The following OSBP2 variants were observed in gnomAD, a reference collection of about 807,000 sequenced individuals.
OSBP2 encodes oxysterol-binding protein 2.
OSBP2 carries 66 observed loss-of-function variants against 96.0 expected under a neutral mutation model. The ratio of observed to expected loss-of-function variants is 0.69; its 90% CI spans 0.56 to 0.84. OSBP2 has a LOEUF of 0.84. Ranked by LOEUF, OSBP2 falls within the 40% of genes least tolerant of loss-of-function variation. The pLI is 0.00. For synonymous variants in OSBP2, 525 were observed against 520.9 expected, an observed-to-expected ratio of 1.01 and a Z score of -0.11; for missense variants, 1,038 against 1,222.7, an observed-to-expected ratio of 0.85 and a Z score of 2.25.
At chr22:30,822,597 G>T (rs1408570727) in intron 2 of OSBP2, 116 of 1,523,652 alleles carry the variant, frequency 7.6e-5, no homozygotes, top group Non-Finnish European at 1.0e-4. Flanking sequence ...GCCATGTAGC[G>T]CCCCGCCGAT....
intron 2 of OSBP2, among the ~76,000 whole-genome samples, chr22:30,836,315 G>A (rs757527579): frequency 5.3e-5 from 8 of 152,140 alleles, no homozygotes; most frequent in Non-Finnish European, 8.8e-5. Context: ...GGCTAGAGAG[G>A]TTATGTCCCA....
In OSBP2 at chr22:30,881,617, C is replaced by T; in HGVS notation, c.1108-5809C>T. On this transcript the variant is annotated intron_variant, in intron 3 of 13. Coordinates refer to ENST00000332585, the MANE Select transcript of OSBP2 (RefSeq NM_030758.4). This position sits in a 1 kb window ranked among gnomAD's most constrained non-coding sequence, Gnocchi z 4.5. Reference sequence around the variant, plus strand: ...TGGGCCCCTGGGAACCTCCCCCTGCCAGTCCCTCTGCCGGGCCCCAAGCCT... The same window carrying T: ...TGGGCCCCTGGGAACCTCCCCCTGCTAGTCCCTCTGCCGGGCCCCAAGCCT... 7.8e-7 allele frequency: 1 copy of T among 1,287,252 alleles called. No individual in the cohort carries two copies. The allele number at this position is 1,287,252 out of a possible 1,614,324, so 79.7% of individuals were successfully genotyped here.
chr22:30,718,374 G>A (rs2089496074), intron 1 of OSBP2, among the ~76,000 whole-genome samples: 1 of 152,196 alleles, frequency 6.6e-6, no homozygotes, highest in Non-Finnish European at 1.5e-5. Context: ...TATCTATAGA[G>A]TGAGAGGACT....
chr22:30,847,993 C>T (rs1208898069), intron 2 of OSBP2, among the ~76,000 whole-genome samples: 1 of 152,014 alleles, frequency 6.6e-6, no homozygotes, highest in African/African-American at 2.4e-5. Context: ...ACTATAGATA[C>T]CCTATGAAAA....
At chr22:30,695,794 G>T (rs1260135240) in intron 1 of OSBP2, among the ~76,000 whole-genome samples, 2 of 152,206 alleles carry the variant, frequency 1.3e-5, no homozygotes, top group Non-Finnish European at 2.9e-5. Context: ...TTGGGCAAGT[G>T]GGGAGGTGGA....
Position 30,727,848 on chromosome 22 carries a change from T to C in OSBP2, c.645-13313T>C, listed in dbSNP as rs943429038. Among the ~76,000 whole-genome samples, 21 of 152,154 alleles carry C rather than the reference T, an allele frequency of 1.4e-4. 1 individual carries two copies. Among genetic ancestry groups the C allele is most frequent in the South Asian group, 6.2e-4 (3 of 4,826 alleles). ...TGGGCCGGGCGCAGTGTCTCACACC[T>C]GTAATCCCACCACTTTGGGAGGCTG... On this transcript the variant is annotated intron_variant, in intron 1 of 13. Transcript: ENST00000332585.
chr22:30,778,303 G>GCGCA (rs1555912357), intron 2 of OSBP2, among the ~76,000 whole-genome samples: 65 of 146,630 alleles, frequency 4.4e-4, no homozygotes, highest in African/African-American at 1.6e-3. Context: ...GTGTGCATGT[G>GCGCA]CACACACACA....
chr22:30,694,773 G>C (rs1483726360), upstream of OSBP2: 2 of 586,568 alleles, frequency 3.4e-6, no homozygotes, highest in South Asian at 7.4e-5. Flanking sequence ...TGACGGGCAC[G>C]GAGCGCACGG....
chr22:30,772,220 T>G (rs977778742), intron 2 of OSBP2, among the ~76,000 whole-genome samples: 5 of 152,182 alleles, frequency 3.3e-5, no homozygotes, highest in Non-Finnish European at 7.4e-5. Flanking sequence ...CTGGTTTTAG[T>G]GACTGAGTGG....
chr22:30,762,895 G>A (rs753618908), intron 2 of OSBP2, among the ~76,000 whole-genome samples: 18 of 152,112 alleles, frequency 1.2e-4, no homozygotes, highest in Non-Finnish European at 2.4e-4. Context: ...CAGAGTCCCC[G>A]CTTGTCAGTC....
At position 30,776,289 on chromosome 22, in the gene OSBP2, C is replaced by T. The variant is rs191442583; in HGVS notation, c.853+34920C>T. Reference sequence around the variant, plus strand: ...CACAGGTGCATGCCACCATGCCTGGCTAATTTTTTATTTTTAGTGGAGATG... The same window carrying T: ...CACAGGTGCATGCCACCATGCCTGGTTAATTTTTTATTTTTAGTGGAGATG... On this transcript the variant is annotated intron_variant, in intron 2 of 13. Transcript: ENST00000332585. 2.6e-3 allele frequency among the ~76,000 whole-genome samples: 396 copies of T among 151,694 alleles called. 4 individuals are homozygous for T. Among genetic ancestry groups the T allele is most frequent in the African/African-American group, 9.0e-3 (372 of 41,352 alleles).
intron 2 of OSBP2, among the ~76,000 whole-genome samples, chr22:30,757,202 C>T (rs2145765870): frequency 6.6e-6 from 1 of 152,270 alleles, no homozygotes; most frequent in South Asian, 2.1e-4. Context: ...TCCTGCCACA[C>T]TGCAAAAGAT....
intron 12 of OSBP2, among the ~76,000 whole-genome samples, chr22:30,904,745 A>G (rs1004513170): frequency 6.6e-6 from 1 of 152,222 alleles, no homozygotes; most frequent in East Asian, 1.9e-4. Flanking sequence ...AAAACTGCCC[A>G]TATACTGGGC....
At chr22:30,902,410 C>A in intron 12 of OSBP2, 1 of 1,571,058 alleles carries the variant, frequency 6.4e-7, no homozygotes, top group Non-Finnish European at 8.7e-7. Context: ...CGATGGTGCA[C>A]TGTTGGGCAA....
chr22:30,829,287 TTTTTG>T (rs1268428967), intron 2 of OSBP2, among the ~76,000 whole-genome samples: 2 of 152,154 alleles, frequency 1.3e-5, no homozygotes, highest in Non-Finnish European at 2.9e-5. Flanking sequence ...CCCTACTTAT[TTTTTG>T]TTTAGTTATT....
chr22:30,838,160 G>A (rs1378529225), intron 2 of OSBP2, among the ~76,000 whole-genome samples: 1 of 152,156 alleles, frequency 6.6e-6, no homozygotes, highest in Admixed American at 6.5e-5. Context: ...ACCTTGTCAG[G>A]ATTCCTCGTG....
chr22:30,705,895 A>G (rs1195871458), intron 1 of OSBP2, among the ~76,000 whole-genome samples: 2 of 152,178 alleles, frequency 1.3e-5, no homozygotes, highest in East Asian at 3.8e-4. Flanking sequence ...AGAGGCCAAC[A>G]GGTTGAGGCA....
chr22:30,779,205 C>T (rs972066372), intron 2 of OSBP2, among the ~76,000 whole-genome samples: 7 of 150,640 alleles, frequency 4.6e-5, no homozygotes, highest in Non-Finnish European at 8.9e-5. Flanking sequence ...CCTCAGCCTC[C>T]CGAGTAGCTG....
At chr22:30,854,526 C>T (rs908560571) in intron 2 of OSBP2, among the ~76,000 whole-genome samples, 1 of 151,392 alleles carries the variant, frequency 6.6e-6, no homozygotes. Flanking sequence ...CCAGGGTGGC[C>T]TCAAACTCCT....
Sources: gnomAD v4.1 joint callset for allele counts (sites outside exome capture counted in the v4.1 genomes callset) on GRCh38, gnomAD v4.1.1 for gene constraint, Gnocchi (gnomAD v3.1) non-coding constraint, MANE v1.5 for transcripts, NCBI Gene and HGNC (gene_info 2026-07-23, HGNC 2026-07-21) for gene names.